The following SLC9A9 variants were observed in gnomAD, a reference collection of about 807,000 sequenced individuals.
SLC9A9 encodes solute carrier family 9 member A9, also known as sodium/hydrogen exchanger 9.
A neutral mutation model predicts 77.8 loss-of-function variants in SLC9A9; 62 were observed. The observed-to-expected ratio is 0.80, with a 90% CI of 0.65 to 0.98. The LOEUF is 0.98. Ranked by LOEUF, SLC9A9 falls within the 50% of genes least tolerant of loss-of-function variation. The pLI is 0.00. For synonymous variants in SLC9A9, 320 were observed against 283.5 expected (o/e 1.13, Z -1.29); for missense variants, 775 against 774.9 (o/e 1.00, Z 0.00).
chr3:143,732,128 T>C (rs894183314), intron 4 of SLC9A9, among the ~76,000 whole-genome samples: 3 of 152,218 alleles, frequency 2.0e-5, no homozygotes, highest in African/African-American at 7.2e-5. Context: ...TATTGGAGCA[T>C]GTGTCACTGA....
At chr3:143,625,985 C>A (rs1263446817) in intron 6 of SLC9A9, among the ~76,000 whole-genome samples, 1 of 152,150 alleles carries the variant, frequency 6.6e-6, no homozygotes, top group Non-Finnish European at 1.5e-5. Context: ...CAAAAGAAGA[C>A]ATTTATGCAG....
At position 143,404,618 on chromosome 3, in the gene SLC9A9, T is replaced by C. The variant is rs770914162; in HGVS notation, c.1470-22504A>G. The stretch of plus-strand genomic sequence containing the variant: ...ACTCTTTTTTCCCCCTCTTTATTCC[T>C]GTACAAGGGCTGCACTAATCTACCT... On this transcript the variant is annotated intron_variant, in intron 12 of 15. Coordinates refer to ENST00000316549, the MANE Select transcript of SLC9A9 (RefSeq NM_173653.4). 6.6e-4 allele frequency among the ~76,000 whole-genome samples: 101 copies of C among 152,192 alleles called. 1 individual carries two copies. Among genetic ancestry groups the C allele is most frequent in the Non-Finnish European group, 1.5e-4 (10 of 68,036 alleles).
intron 14 of SLC9A9, among the ~76,000 whole-genome samples, chr3:143,318,007 C>T (rs568493971): frequency 4.6e-5 from 7 of 151,808 alleles, no homozygotes; most frequent in Non-Finnish European, 7.4e-5. Context: ...GATTACAGGC[C>T]TGAGCCACCG....
chr3:143,820,398 A>G (rs1442888565), intron 2 of SLC9A9, among the ~76,000 whole-genome samples: 1 of 152,228 alleles, frequency 6.6e-6, no homozygotes. Flanking sequence ...GTTTTGCGTA[A>G]GATTCTTGAT....
At chr3:143,442,793 G>T (rs1363824830) in intron 12 of SLC9A9, among the ~76,000 whole-genome samples, 3 of 152,190 alleles carry the variant, frequency 2.0e-5, no homozygotes, top group South Asian at 2.1e-4. Flanking sequence ...AAATGGGACT[G>T]GTGAGTTCAG....
chr3:143,648,582 G>A (rs2038743566), intron 6 of SLC9A9, among the ~76,000 whole-genome samples: 1 of 152,118 alleles, frequency 6.6e-6, no homozygotes, highest in Non-Finnish European at 1.5e-5. Context: ...CCCGATCTAG[G>A]TTTTGTTTTG....
chr3:143,435,956 T>C (rs7637013), intron 12 of SLC9A9, among the ~76,000 whole-genome samples: 149,171 of 152,316 alleles, frequency 0.98, 73,061 homozygotes, highest in East Asian at 1. Context: ...CTAGGAGAAA[T>C]CATGTAGAAA....
chr3:143,328,979 GCCTACTGTGTGC>G (rs2031684524), intron 14 of SLC9A9, among the ~76,000 whole-genome samples: 1 of 152,130 alleles, frequency 6.6e-6, no homozygotes, highest in Non-Finnish European at 1.5e-5. Flanking sequence ...ATAACTTATT[GCCTACTGTGTGC>G]CCTGAACTTT....
chr3:143,364,694 A>C (rs1183443202), intron 13 of SLC9A9, among the ~76,000 whole-genome samples: 2 of 152,206 alleles, frequency 1.3e-5, no homozygotes, highest in Non-Finnish European at 2.9e-5. Context: ...TATCCCCCGC[A>C]AATGAAATGG....
chr3:143,389,837 C>G (rs749384418), intron 12 of SLC9A9, among the ~76,000 whole-genome samples: 1 of 152,028 alleles, frequency 6.6e-6, no homozygotes, highest in Non-Finnish European at 1.5e-5. Context: ...TATGTAAAGA[C>G]AGTTTGGACG....
chr3:143,657,867 T>G (rs2038917455), intron 5 of SLC9A9, among the ~76,000 whole-genome samples: 1 of 152,198 alleles, frequency 6.6e-6, no homozygotes, highest in African/African-American at 2.4e-5. Context: ...ATTTTTTTAT[T>G]TATTCATTTT....
chr3:143,322,985 T>C (rs1292411082), intron 14 of SLC9A9, among the ~76,000 whole-genome samples: 3 of 152,126 alleles, frequency 2.0e-5, no homozygotes, highest in Non-Finnish European at 4.4e-5. Flanking sequence ...AAAAAATGCT[T>C]ACCATCACTA....
At chr3:143,530,531 G>A (rs544379370) in intron 9 of SLC9A9, among the ~76,000 whole-genome samples, 1 of 152,230 alleles carries the variant, frequency 6.6e-6, no homozygotes, top group Admixed American at 6.5e-5. Flanking sequence ...CCAGTGTTGG[G>A]TATGTCTTTA....
At chr3:143,678,930 G>A (rs543032228) in intron 5 of SLC9A9, among the ~76,000 whole-genome samples, 1 of 152,044 alleles carries the variant, frequency 6.6e-6, no homozygotes, top group Non-Finnish European at 1.5e-5. Context: ...GATGAAGAAA[G>A]TATATAGAGA....
chr3:143,684,699 CA>C (rs1232017951), intron 5 of SLC9A9, among the ~76,000 whole-genome samples: 1 of 151,932 alleles, frequency 6.6e-6, no homozygotes, highest in East Asian at 1.9e-4. Context: ...CCACTGTCCC[CA>C]AGTCAGAGGC....
chr3:143,831,279 C>T (rs922618623), intron 2 of SLC9A9, among the ~76,000 whole-genome samples: 4 of 152,100 alleles, frequency 2.6e-5, no homozygotes, highest in African/African-American at 9.7e-5. Flanking sequence ...AACAGGAATT[C>T]ATTTATTCCA....
At chr3:143,495,816 T>C (rs2035825357) in intron 9 of SLC9A9, among the ~76,000 whole-genome samples, 2 of 152,236 alleles carry the variant, frequency 1.3e-5, no homozygotes, top group South Asian at 4.1e-4. Flanking sequence ...AAAGATTGTT[T>C]AACCTCTGTG....
rs1048404178 is a variant in SLC9A9 at position 143,697,848 on chromosome 3, C to T, written c.534-4541G>A. ...AAAAATAAAAATAAAAAGCCCAGTTCAGTTCAAGCTCGTATGGTAATTGTT... is the reference window on the plus strand; with the variant it reads ...AAAAATAAAAATAAAAAGCCCAGTTTAGTTCAAGCTCGTATGGTAATTGTT... On this transcript the variant is annotated intron_variant, in intron 4 of 15. Coordinates refer to ENST00000316549, the MANE Select transcript of SLC9A9 (RefSeq NM_173653.4). Among the ~76,000 whole-genome samples the T allele has an allele frequency of 2.6e-5, 4 of 152,136 alleles. No individual in the cohort carries two copies. The South Asian group carries it at 8.3e-4, about 32-fold the overall frequency.
At chr3:143,636,352 G>T (rs1372541092) in intron 6 of SLC9A9, among the ~76,000 whole-genome samples, 1 of 152,174 alleles carries the variant, frequency 6.6e-6, no homozygotes, top group East Asian at 1.9e-4. Flanking sequence ...TCAATCATCT[G>T]TCTAGCCAGA....
Sources: gnomAD v4.1 joint callset for allele counts (sites outside exome capture counted in the v4.1 genomes callset) on GRCh38, gnomAD v4.1.1 for gene constraint, MANE v1.5 for transcripts, NCBI Gene and HGNC (gene_info 2026-07-23, HGNC 2026-07-21) for gene names.